ZFP14: variants seen among roughly 807,000 people sequenced by gnomAD.
ZFP14 encodes the protein zinc finger protein 14 homolog.
In ZFP14, 22 loss-of-function variants were observed where a neutral mutation model predicts 54.5. That is an observed-to-expected ratio of 0.40 (90% CI 0.29 to 0.58). The LOEUF is 0.58. ZFP14 is among the 20% of genes least tolerant of loss of function. ZFP14 has a pLI of 0.39. For missense variants in ZFP14, 470 were observed against 637.8 expected (o/e 0.74, Z 2.83); for synonymous variants, 159 against 204.0 (o/e 0.78, Z 1.88).
chr19:36,374,489 C>CAAAAA (rs398034483), intron 1 of ZFP14, among the ~76,000 whole-genome samples: 11 of 70,296 alleles, frequency 1.6e-4, no homozygotes, highest in Non-Finnish European at 1.9e-4. Flanking sequence ...GACTCTGTCT[C>CAAAAA]AAAAAAAAAA....
Position 36,340,417 on chromosome 19 carries a change from T to C in ZFP14, c.1409A>G (p.His470Arg). 1 of 1,614,180 alleles carries C rather than the reference T, an allele frequency of 6.2e-7. No individual in the cohort carries two copies. The highest frequency in any genetic ancestry group is 8.5e-7 in the Non-Finnish European group (1 of 1,180,026). The change falls in exon 5 of 5, where the codon CAT becomes CGT. Residue 470 changes from histidine (H) to arginine (R), a missense_variant. Coordinates refer to ENST00000270001, the MANE Select transcript of ZFP14 (RefSeq NM_020917.3). The surrounding 1 kb of genome is among the most constrained non-coding windows in gnomAD (Gnocchi z 5.4). The part of the protein sequence containing the change: ...PFRLLSQLTQ[H>R]QSIHTGEKPY... ...TTTCTCACCAGTGTGAATACTCTGA[T>C]GTTGGGTAAGTTGTGAGAGCAGTCT...
intron 1 of ZFP14, chr19:36,378,654 G>C (rs1568477307): frequency 6.6e-6 from 1 of 152,274 alleles, no homozygotes; most frequent in African/African-American, 2.4e-5. Context: ...GCAGGATTGG[G>C]AAAGGAGACG....
Position 36,355,198 on chromosome 19 carries a change from T to C in ZFP14, c.235+5237A>G, listed in dbSNP as rs765089261. Among the ~76,000 whole-genome samples, 6 of 143,510 alleles carry C rather than the reference T, an allele frequency of 4.2e-5. 2 individuals are homozygous for C. Among genetic ancestry groups the C allele is most frequent in the South Asian group, 2.2e-4 (1 of 4,570 alleles). 94.1% of individuals were successfully genotyped at this position (143,510 alleles called of 152,430 possible). ...ATATTTCTAGCCAATGAAAGACATA[T>C]CAACCTAATCATAATAGAAGCTAGA... is the stretch of plus-strand genomic sequence containing the variant. On this transcript the variant is annotated intron_variant, in intron 4 of 4. Coordinates refer to ENST00000270001, the MANE Select transcript of ZFP14 (RefSeq NM_020917.3).
At chr19:36,367,549 C>T (rs774034829) in intron 2 of ZFP14, among the ~76,000 whole-genome samples, 4 of 152,086 alleles carry the variant, frequency 2.6e-5, no homozygotes, top group South Asian at 2.1e-4. Flanking sequence ...AACGCAATCT[C>T]GGCTCACTGC....
chr19:36,372,893 A>T (rs8109320), intron 1 of ZFP14, among the ~76,000 whole-genome samples: 1 of 151,530 alleles, frequency 6.6e-6, no homozygotes, highest in African/African-American at 2.4e-5. Context: ...GTGACAACAC[A>T]GATGAATCTG....
At position 36,341,407 on chromosome 19, in the gene ZFP14, A is replaced by G. The variant is rs764733904; in HGVS notation, c.419T>C (p.Phe140Ser). The change falls in exon 5 of 5, where the codon TTT becomes TCT. Residue 140 changes from phenylalanine (F) to serine (S), a missense_variant. Physicochemically the swap from Phe to Ser is radical, Grantham distance 155. Transcript: ENST00000270001. The surrounding 1 kb of genome is among the most constrained non-coding windows in gnomAD (Gnocchi z 4.2). ...TTCAGAGGTAATTTTCACTTGCCCA[A>G]AATATCCCTCTTGTTGTTCCTTTTC... ...EGEKEQQEGY[F>S]GQVKITSEKM... 1.2e-6 allele frequency: 2 copies of G among 1,613,974 alleles called. No homozygotes were observed. The highest frequency in any genetic ancestry group is 1.7e-6 in the Non-Finnish European group (2 of 1,179,990).
intron 4 of ZFP14, among the ~76,000 whole-genome samples, chr19:36,347,336 G>A (rs2031435655): frequency 6.6e-6 from 1 of 152,174 alleles, no homozygotes; most frequent in African/African-American, 2.4e-5. Context: ...AAGGCTGGGC[G>A]CAATGGCTCA....
chr19:36,339,239 A>G lies in ZFP14; in HGVS notation c.*985T>C, dbSNP rs923371729. On this transcript the variant is annotated 3_prime_UTR_variant, in exon 5 of 5. Transcript: ENST00000270001. The stretch of plus-strand genomic sequence containing the variant: ...CGTGAATTCACTAATACTAATGACA[A>G]TAATAACAATTACAGATAATATTTA... 4 of 152,208 alleles carry G rather than the reference A, an allele frequency of 2.6e-5. No homozygotes were observed. Among genetic ancestry groups the G allele is most frequent in the Admixed American group, 6.5e-5 (1 of 15,292 alleles). The allele number at this position is 152,208 out of a possible 1,614,324, so 9.4% of individuals were successfully genotyped here. A position where few individuals can be genotyped will look rare whatever the true frequency, so the allele number is the denominator to read the frequency against.
chr19:36,362,869 G>A (rs1019088663), intron 2 of ZFP14: 5 of 271,834 alleles, frequency 1.8e-5, no homozygotes, highest in African/African-American at 9.3e-5. Flanking sequence ...TCACAAACTC[G>A]GGTTTTATTA....
intron 4 of ZFP14, among the ~76,000 whole-genome samples, chr19:36,351,402 G>A (rs1432194718): frequency 7.0e-6 from 1 of 142,044 alleles, no homozygotes; most frequent in Non-Finnish European, 1.6e-5. Context: ...TAGAGGCCGA[G>A]GTGGGAGAAT....
rs2031209427 is a variant in ZFP14 at position 36,336,819 on chromosome 19, G to T, written c.*3405C>A. 6.6e-6 allele frequency: 1 copy of T among 152,084 alleles called. No homozygotes were observed. Among genetic ancestry groups the T allele is most frequent in the Non-Finnish European group, 1.5e-5 (1 of 68,016 alleles). The allele number at this position is 152,084 out of a possible 1,614,324, so 9.4% of individuals were successfully genotyped here. A position where few individuals can be genotyped will look rare whatever the true frequency, so the allele number is the denominator to read the frequency against. On this transcript the variant is annotated 3_prime_UTR_variant, in exon 5 of 5. Transcript: ENST00000270001. The stretch of plus-strand genomic sequence containing the variant: ...CTACATAGTCTATAATTTTGGTTTT[G>T]ATTTTAAACATTTTATTATTGAAAT...
chr19:36,359,217 G>A (rs1301714920), intron 4 of ZFP14, among the ~76,000 whole-genome samples: 1 of 152,118 alleles, frequency 6.6e-6, no homozygotes, highest in Admixed American at 6.6e-5. Flanking sequence ...GAATTAACAG[G>A]TAGAAAGAAA....
Position 36,336,238 on chromosome 19 carries a change from CTTTTTTTTTT to C in ZFP14, c.*3976_*3985del, listed in dbSNP as rs11374670. 7 of 103,474 alleles carry C rather than the reference CTTTTTTTTTT, an allele frequency of 6.8e-5. No individual in the cohort carries two copies. Among genetic ancestry groups the C allele is most frequent in the African/African-American group, 7.8e-5 (2 of 25,514 alleles). 6.4% of individuals were successfully genotyped at this position (103,474 alleles called of 1,614,324 possible). Reference sequence around the variant, plus strand: ...ACTTTCTACTGTTACTTGGCTGTTCCTTTTTTTTTTTTTTTTTTTTTGACAGACTCTTGCT... The same window carrying C: ...ACTTTCTACTGTTACTTGGCTGTTCCTTTTTTTTTTTGACAGACTCTTGCT... On this transcript the variant is annotated 3_prime_UTR_variant, in exon 5 of 5. Transcript: ENST00000270001.
chr19:36,359,407 C>T (rs1239227518), intron 4 of ZFP14, among the ~76,000 whole-genome samples: 3 of 152,098 alleles, frequency 2.0e-5, no homozygotes, highest in Admixed American at 2.0e-4. Flanking sequence ...TTGTATAATA[C>T]TGCTGCTATT....
rs933052604 is a variant in ZFP14 at position 36,335,688 on chromosome 19, G to A, written c.*4536C>T. ...CAATCCTACATTTTTACTTGTACTG[G>A]AATGAATATACACGTTTGTGCATGT... On this transcript the variant is annotated 3_prime_UTR_variant, in exon 5 of 5. Transcript: ENST00000270001. 12 of 151,946 alleles carry A rather than the reference G, an allele frequency of 7.9e-5. No individual in the cohort carries two copies. Among genetic ancestry groups the A allele is most frequent in the African/African-American group, 2.9e-4 (12 of 41,352 alleles). The allele number at this position is 151,946 out of a possible 1,614,324, so 9.4% of individuals were successfully genotyped here. A position where few individuals can be genotyped will look rare whatever the true frequency, so the allele number is the denominator to read the frequency against.
At position 36,341,041 on chromosome 19, in the gene ZFP14, C is replaced by A. The variant is rs1568464046; in HGVS notation, c.785G>T (p.Gly262Val). 6.2e-7 allele frequency: 1 copy of A among 1,614,092 alleles called. No homozygotes were observed. Among genetic ancestry groups the A allele is most frequent in the Non-Finnish European group, 8.5e-7 (1 of 1,180,012 alleles). ...GEKPYECKEC[G>V]KAFRVHQQLA... ...TTGCTGATGTACTCTAAAGGCCTTTCCACATTCCTTACATTCATAGGGTTT... is the reference window on the plus strand; with the variant it reads ...TTGCTGATGTACTCTAAAGGCCTTTACACATTCCTTACATTCATAGGGTTT... Residue 262 changes from glycine to valine, a missense_variant, in exon 5 of 5, where the codon GGA (glycine) becomes GTA (valine). Physicochemically the swap from Gly to Val is moderately radical, Grantham distance 109 (BLOSUM62 -3). Coordinates refer to ENST00000270001, the MANE Select transcript of ZFP14 (RefSeq NM_020917.3). This position sits in a 1 kb window ranked among gnomAD's most constrained non-coding sequence, Gnocchi z 4.2.
chr19:36,346,210 C>T (rs2031410439), intron 4 of ZFP14, among the ~76,000 whole-genome samples: 2 of 151,838 alleles, frequency 1.3e-5, no homozygotes, highest in African/African-American at 4.8e-5. Flanking sequence ...CGTCTGAGCC[C>T]GGGAGGCGGG....
chr19:36,347,921 G>T (rs1228380011), intron 4 of ZFP14, among the ~76,000 whole-genome samples: 2 of 152,114 alleles, frequency 1.3e-5, no homozygotes, highest in Non-Finnish European at 2.9e-5. Context: ...AGCTGGGTGT[G>T]GTGGCACGTG....
intron 2 of ZFP14, among the ~76,000 whole-genome samples, chr19:36,367,440 G>A (rs1207255821): frequency 3.9e-5 from 6 of 151,980 alleles, no homozygotes; most frequent in Non-Finnish European, 5.9e-5. Flanking sequence ...TAGGATACTG[G>A]GCTATCTGTC....
Sources: gnomAD v4.1 joint callset for allele counts (sites outside exome capture counted in the v4.1 genomes callset) on GRCh38, gnomAD v4.1.1 for gene constraint, Gnocchi (gnomAD v3.1) non-coding constraint, MANE v1.5 for transcripts, NCBI Gene and HGNC (gene_info 2026-07-23, HGNC 2026-07-21) for gene names.